Variants in NACC2 observed in about 807,000 individuals in gnomAD.
NACC2 encodes the protein nucleus accumbens-associated protein 2.
Under a neutral mutation model 25.1 loss-of-function variants are expected in NACC2, and 8 were observed. The observed-to-expected ratio is 0.32, with a 90% CI of 0.19 to 0.57. NACC2 has a LOEUF of 0.57. NACC2 is among the 20% of genes least tolerant of loss of function. The pLI is 0.89. For synonymous variants in NACC2, 435 were observed against 294.7 expected (o/e 1.48, Z -4.88); for missense variants, 644 against 650.2 (o/e 0.99, Z 0.10).
intron 1 of NACC2, among the ~76,000 whole-genome samples, chr9:136,083,196 C>T (rs1564243453): frequency 6.6e-6 from 1 of 152,226 alleles, no homozygotes; most frequent in Non-Finnish European, 1.5e-5. Flanking sequence ...GAGCCAGTGG[C>T]CACAGGGCTC....
chr9:136,057,188 T>C (rs181997059), intron 1 of NACC2, among the ~76,000 whole-genome samples: 66 of 152,328 alleles, frequency 4.3e-4, no homozygotes, highest in African/African-American at 1.5e-3. Flanking sequence ...AGCCGAGCCC[T>C]GCGCTTATGG....
At chr9:136,053,077 T>G (rs1036338381) in intron 1 of NACC2, among the ~76,000 whole-genome samples, 39 of 152,220 alleles carry the variant, frequency 2.6e-4, no homozygotes, top group Non-Finnish European at 2.4e-4. Flanking sequence ...CCCCTCCTGC[T>G]TGGCCAGCTG....
In NACC2 at chr9:136,011,582, G is replaced by A. The variant is rs557949538; in HGVS notation, c.1698C>T (p.Pro566=). ...PQPFEQGGGG[P]SRPQTPAAAA... ...CGGCCGCCGGCGTCTGGGGCCTGCT[G>A]GGGCCGCCCCCGCCCTGCTCAAAGG... is the stretch of plus-strand genomic sequence containing the variant. Residue 566 remains proline (P), a synonymous_variant, in exon 6 of 6, where the codon CCC becomes CCT. Transcript: ENST00000277554. 10 of 1,405,546 alleles carry A rather than the reference G, an allele frequency of 7.1e-6. 1 individual carries two copies. The highest frequency in any genetic ancestry group is 5.0e-5 in the South Asian group (3 of 60,170). The allele number at this position is 1,405,546 out of a possible 1,614,324, so 87.1% of individuals were successfully genotyped here.
chr9:136,041,695 T>A (rs1475451811), intron 2 of NACC2, among the ~76,000 whole-genome samples: 1 of 152,098 alleles, frequency 6.6e-6, no homozygotes, highest in Non-Finnish European at 1.5e-5. Flanking sequence ...GCCACACAGC[T>A]CTGAATATAC....
intron 1 of NACC2, among the ~76,000 whole-genome samples, chr9:136,093,756 C>A (rs371800379): frequency 6.8e-6 from 1 of 146,914 alleles, no homozygotes; most frequent in African/African-American, 2.6e-5. Context: ...AAAGGCCCCA[C>A]AGAGGACCAG....
chr9:136,047,978 G>A (rs1030947410), intron 2 of NACC2, among the ~76,000 whole-genome samples: 12 of 152,332 alleles, frequency 7.9e-5, no homozygotes, highest in Middle Eastern at 3.4e-3. Context: ...GGGCTGTGCA[G>A]GGAGGACCCT....
Position 136,086,095 on chromosome 9 carries a change from C to A in NACC2, c.-60+9094G>T, listed in dbSNP as rs1830376436. ...CCGACGGGCAGGAGCCGCCTCCAGG[C>A]CCTTCACCTCGGGCTGGAGAAAACC... On this transcript the variant is annotated intron_variant, in intron 1 of 5. Coordinates refer to ENST00000277554, the MANE Select transcript of NACC2 (RefSeq NM_144653.5). The surrounding 1 kb of genome is among the most constrained non-coding windows in gnomAD (Gnocchi z 5.6). Among the ~76,000 whole-genome samples the A allele has an allele frequency of 1.3e-5, 2 of 152,224 alleles. No homozygotes were observed. The highest frequency in any genetic ancestry group is 2.9e-5 in the Non-Finnish European group (2 of 68,026).
In NACC2 at chr9:136,008,442, T is replaced by C. The variant is rs976541112; in HGVS notation, c.*3074A>G. ...AAAAGGTGTGGAGATAACGTAGCTC[T>C]GTAATAGATTCTATATAGGATATGC... On this transcript the variant is annotated 3_prime_UTR_variant, in exon 6 of 6. Coordinates refer to ENST00000277554, the MANE Select transcript of NACC2 (RefSeq NM_144653.5). 6.6e-6 allele frequency: 1 copy of C among 152,408 alleles called. No individual in the cohort carries two copies. Among genetic ancestry groups the C allele is most frequent in the East Asian group, 1.9e-4 (1 of 5,186 alleles). 9.4% of individuals were successfully genotyped at this position (152,408 alleles called of 1,614,324 possible).
At chr9:136,082,536 G>A (rs1830334788) in intron 1 of NACC2, among the ~76,000 whole-genome samples, 1 of 152,232 alleles carries the variant, frequency 6.6e-6, no homozygotes, top group African/African-American at 2.4e-5. Flanking sequence ...CACCATCCAT[G>A]AAGCACTGGG....
chr9:136,059,182 C>T (rs996285081), intron 1 of NACC2, among the ~76,000 whole-genome samples: 3 of 152,216 alleles, frequency 2.0e-5, no homozygotes, highest in Admixed American at 6.5e-5. Context: ...GCAAAACTGC[C>T]ACCCAGTGAG....
rs73668059 is a variant in NACC2, at chr9:136,062,330, G to A, written c.-59-11750C>T. 3.5e-3 allele frequency among the ~76,000 whole-genome samples: 530 copies of A among 152,232 alleles called. 6 individuals carry two copies. The highest frequency in any genetic ancestry group is 0.012 in the African/African-American group (510 of 41,542). ...TGCACCTTTGACCTGCCATCTACCC[G>A]GACCCTGGAAAGTTACAGGTATACA... On this transcript the variant is annotated intron_variant, in intron 1 of 5. Coordinates refer to ENST00000277554, the MANE Select transcript of NACC2 (RefSeq NM_144653.5).
chr9:136,088,946 G>A (rs1336615113), intron 1 of NACC2, among the ~76,000 whole-genome samples: 2 of 152,262 alleles, frequency 1.3e-5, no homozygotes, highest in Non-Finnish European at 2.9e-5. Context: ...GTTAATATCA[G>A]CCTCTGATAA....
At chr9:136,045,047 G>C (rs903579149) in intron 2 of NACC2, among the ~76,000 whole-genome samples, 3 of 152,256 alleles carry the variant, frequency 2.0e-5, no homozygotes, top group Admixed American at 6.5e-5. Flanking sequence ...AGTGGCATCT[G>C]TCCAGGGTCC....
chr9:136,050,690 T>G, intron 1 of NACC2, 110 bp from the exon 2 acceptor site: 1 of 628,302 alleles, frequency 1.6e-6, no homozygotes, highest in Non-Finnish European at 2.9e-6. Context: ...AGAGCGAGCC[T>G]TCCGCACGCG....
At position 136,055,746 on chromosome 9, in the gene NACC2, G is replaced by A. The variant is rs1840914478; in HGVS notation, c.-59-5166C>T. Among the ~76,000 whole-genome samples the A allele has an allele frequency of 6.6e-6, 1 of 152,240 alleles. No homozygotes were observed. The highest frequency in any genetic ancestry group is 1.5e-5 in the Non-Finnish European group (1 of 68,036). ...GCACAGCCATTAAACACGTGGTAGA[G>A]GAAGGAGAGAGGCGGGGCACGGGAA... On this transcript the variant is annotated intron_variant, in intron 1 of 5. Transcript: ENST00000277554. This position sits in a 1 kb window ranked among gnomAD's most constrained non-coding sequence, Gnocchi z 4.9.
chr9:136,008,417 A>T lies in NACC2; in HGVS notation c.*3099T>A, dbSNP rs1840056174. 6.6e-6 allele frequency: 1 copy of T among 152,268 alleles called. No homozygotes were observed. The highest frequency in any genetic ancestry group is 6.5e-5 in the Admixed American group (1 of 15,286). The allele number at this position is 152,268 out of a possible 1,614,324, so 9.4% of individuals were successfully genotyped here. A position where few individuals can be genotyped will look rare whatever the true frequency, so the allele number is the denominator to read the frequency against. ...CGGTCCAGTCCCTTCTGTCCTCCTC[A>T]AAAGGTGTGGAGATAACGTAGCTCT... On this transcript the variant is annotated 3_prime_UTR_variant, in exon 6 of 6. Transcript: ENST00000277554.
intron 2 of NACC2, among the ~76,000 whole-genome samples, chr9:136,031,255 T>C (rs536247143): frequency 1.3e-5 from 2 of 152,290 alleles, no homozygotes; most frequent in Middle Eastern, 3.4e-3. Flanking sequence ...TATCAAAACA[T>C]TGGGAAGGTA....
chr9:136,062,593 C>T (rs1421525764), intron 1 of NACC2, among the ~76,000 whole-genome samples: 2 of 152,218 alleles, frequency 1.3e-5, no homozygotes, highest in Non-Finnish European at 2.9e-5. Context: ...GTTCTCTGTA[C>T]GTTCACACCA....
intron 2 of NACC2, among the ~76,000 whole-genome samples, chr9:136,041,043 G>GAAGGAAGGAAGGAAGGA (rs1410973960): frequency 3.8e-4 from 55 of 143,984 alleles, no homozygotes; most frequent in African/African-American, 8.2e-4. Flanking sequence ...GAAAGAAAAG[G>GAAGGAAGGAAGGAAGGA]AAGGAAGGAA....
Sources: gnomAD v4.1 joint callset for allele counts (sites outside exome capture counted in the v4.1 genomes callset) on GRCh38, gnomAD v4.1.1 for gene constraint, Gnocchi (gnomAD v3.1) non-coding constraint, MANE v1.5 for transcripts, NCBI Gene and HGNC (gene_info 2026-07-23, HGNC 2026-07-21) for gene names.